Variants in PEAK1 observed in about 807,000 individuals in gnomAD.
PEAK1 encodes the protein inactive tyrosine-protein kinase PEAK1.
PEAK1 carries 54 observed loss-of-function variants against 124.7 expected under a neutral mutation model. The observed-to-expected ratio is 0.43, with a 90% CI of 0.35 to 0.54. The LOEUF (loss-of-function observed/expected upper bound fraction) is 0.54, where lower values mean the gene tolerates loss of function less well. PEAK1 is among the 20% of genes least tolerant of loss of function. The pLI is 0.01. For missense variants in PEAK1, 2,046 were observed against 2,134.5 expected, an observed-to-expected ratio of 0.96 and a Z score of 0.82; for synonymous variants, 719 against 760.0, an observed-to-expected ratio of 0.95 and a Z score of 0.89.
intron 1 of PEAK1, among the ~76,000 whole-genome samples, chr15:77,407,890 TATATATATATACAC>T (rs1007732284): frequency 5.6e-5 from 8 of 142,278 alleles, no homozygotes; most frequent in Admixed American, 2.2e-4. Context: ...ATGATATATA[TATATATATATACAC>T]ATATATATAC....
At position 77,114,777 on chromosome 15, in the gene PEAK1, C is replaced by A; in HGVS notation, c.4620G>T (p.Glu1540Asp). The A allele has an allele frequency of 1.2e-6, 2 of 1,612,994 alleles. No homozygotes were observed. Among genetic ancestry groups the A allele is most frequent in the South Asian group, 2.2e-5 (2 of 91,056 alleles). The change falls in exon 10 of 10, where the codon GAG becomes GAT. Residue 1540 changes from glutamate to aspartate, a missense_variant. Coordinates refer to ENST00000682557, the MANE Select transcript of PEAK1 (RefSeq NM_001385026.1). The part of the protein sequence containing the change: ...GGTAQGFGPA[E>D]PSPTSSYPTR... ...TGGGATAAGATGAGGTGGGGCTGGGCTCTGCAGGCCCAAAGCCTTGGGCAG... is the reference window on the plus strand; with the variant it reads ...TGGGATAAGATGAGGTGGGGCTGGGATCTGCAGGCCCAAAGCCTTGGGCAG...
rs371123857 is a variant in PEAK1 at position 77,179,311 on chromosome 15, C to T, written c.2616G>A (p.Pro872=). 3.7e-4 allele frequency: 603 copies of T among 1,613,704 alleles called. 10 individuals are homozygous for T. The South Asian group carries it at 4.3e-3, about 12-fold the overall frequency. ...GGTAAGGAGAAGAAGTAGAGCGTGG[C>T]GGGGGAAAGGGAGCTGGTGGCTCAC... ...PQSEPPAPFP[P]PRSTSSPYHA... The change falls in exon 7 of 10, where the codon CCG becomes CCA. Residue 872 remains proline, a synonymous_variant. Coordinates refer to ENST00000682557, the MANE Select transcript of PEAK1 (RefSeq NM_001385026.1).
At chr15:77,252,626 A>C (rs1471879133) in intron 5 of PEAK1, 100 bp from the exon 6 acceptor site, 1 of 663,270 alleles carries the variant, frequency 1.5e-6, no homozygotes, top group Non-Finnish European at 1.9e-6. Flanking sequence ...CTCACTCAAC[A>C]GTTATAATTC....
At chr15:77,335,946 G>A in intron 2 of PEAK1, 2 of 985,330 alleles carry the variant, frequency 2.0e-6, no homozygotes, top group Non-Finnish European at 2.4e-6. Flanking sequence ...CTCTTTCTGG[G>A]AAATCTTTTA....
chr15:77,361,150 A>T (rs2067860719), intron 2 of PEAK1, among the ~76,000 whole-genome samples: 1 of 152,218 alleles, frequency 6.6e-6, no homozygotes, highest in African/African-American at 2.4e-5. Flanking sequence ...AGAATATACA[A>T]GGACAAACAT....
chr15:77,195,466 C>A (rs1318087095), intron 6 of PEAK1, among the ~76,000 whole-genome samples: 1 of 152,018 alleles, frequency 6.6e-6, no homozygotes, highest in African/African-American at 2.4e-5. Context: ...GGTAGGAGGA[C>A]AATCAAGACA....
intron 2 of PEAK1, among the ~76,000 whole-genome samples, chr15:77,342,776 G>A (rs1179560547): frequency 6.6e-6 from 1 of 152,102 alleles, no homozygotes; most frequent in Non-Finnish European, 1.5e-5. Context: ...CCATGTTGTA[G>A]CATGTAACAG....
chr15:77,343,441 T>C (rs917596752), intron 2 of PEAK1, among the ~76,000 whole-genome samples: 1 of 152,020 alleles, frequency 6.6e-6, no homozygotes, highest in Non-Finnish European at 1.5e-5. Context: ...ATAGTGTCCT[T>C]TGATGCACAA....
At chr15:77,294,666 G>A (rs1393222223) in intron 2 of PEAK1, among the ~76,000 whole-genome samples, 2 of 152,136 alleles carry the variant, frequency 1.3e-5, no homozygotes, top group Non-Finnish European at 2.9e-5. Context: ...AAGGAAATTT[G>A]CAGTCTTATG....
At chr15:77,383,088 A>G (rs891604107) in intron 1 of PEAK1, among the ~76,000 whole-genome samples, 1 of 142,060 alleles carries the variant, frequency 7.0e-6, no homozygotes, top group Non-Finnish European at 1.5e-5. Context: ...AAGTGGTATG[A>G]GCTCAACTCA....
chr15:77,121,735 C>T (rs2051935017), intron 9 of PEAK1, among the ~76,000 whole-genome samples: 1 of 152,186 alleles, frequency 6.6e-6, no homozygotes, highest in African/African-American at 2.4e-5. Flanking sequence ...TGCCTTCAGC[C>T]TACTTCCAGT....
intron 6 of PEAK1, among the ~76,000 whole-genome samples, chr15:77,218,773 G>C (rs1042599161): frequency 6.6e-6 from 1 of 151,774 alleles, no homozygotes; most frequent in African/African-American, 2.4e-5. Flanking sequence ...TTTTTTCCCA[G>C]TTTCTCTTTT....
rs562988446 is a variant in PEAK1, at chr15:77,262,179, T to C, written c.-274-9653A>G. On this transcript the variant is annotated intron_variant, in intron 5 of 9. Transcript: ENST00000682557. ...CATGTCAAACTGTAAAGACCATCGA[T>C]GCTAGGAAGAAATTGCATCAACTAA... 7.3e-3 allele frequency among the ~76,000 whole-genome samples: 1,105 copies of C among 152,238 alleles called. 15 individuals carry two copies. Among genetic ancestry groups the C allele is most frequent in the African/African-American group, 0.025 (1,049 of 41,508 alleles).
rs764316661 is a variant in PEAK1, at chr15:77,112,560, TAC to T, written c.*1594_*1595del. ...GCACGCACACATGGGCACACAAGTG[TAC>T]ACACACATTGTTCGAGTGACTCTTG... On this transcript the variant is annotated 3_prime_UTR_variant, in exon 10 of 10. Transcript: ENST00000682557. 1 of 152,154 alleles carries T rather than the reference TAC, an allele frequency of 6.6e-6. No homozygotes were observed. The highest frequency in any genetic ancestry group is 1.9e-4 in the East Asian group (1 of 5,188). 9.4% of individuals were successfully genotyped at this position (152,154 alleles called of 1,614,324 possible).
chr15:77,316,162 T>G (rs1347177025), intron 2 of PEAK1, among the ~76,000 whole-genome samples: 1 of 152,184 alleles, frequency 6.6e-6, no homozygotes, highest in East Asian at 1.9e-4. Context: ...GTGAGATATA[T>G]TTTATCAGTT....
chr15:77,101,616 G>A (rs2050694628), exon 7 of PEAK1: 1 of 152,332 alleles, frequency 6.6e-6, no homozygotes, highest in Admixed American at 6.5e-5. Flanking sequence ...CAGTTTGTCA[G>A]AGGTGGAACC....
chr15:77,205,399 G>C (rs1200897623), intron 6 of PEAK1, among the ~76,000 whole-genome samples: 2 of 152,068 alleles, frequency 1.3e-5, no homozygotes, highest in Non-Finnish European at 2.9e-5. Context: ...CATAGATGAA[G>C]GGTTAGTTTT....
At chr15:77,352,672 G>A (rs1250307669) in intron 2 of PEAK1, 1 of 947,396 alleles carries the variant, frequency 1.1e-6, no homozygotes, top group Non-Finnish European at 1.3e-6. Context: ...TTATGATATA[G>A]AGTATTAACC....
intron 8 of PEAK1, among the ~76,000 whole-genome samples, chr15:77,144,745 G>A (rs1434907217): frequency 1.3e-5 from 2 of 152,210 alleles, no homozygotes; most frequent in African/African-American, 2.4e-5. Flanking sequence ...GCCCATGCAA[G>A]TAGGTCAAGC....
Sources: allele counts gnomAD v4.1 joint callset (sites outside exome capture counted in the v4.1 genomes callset), GRCh38; gene constraint gnomAD v4.1.1; transcripts MANE v1.5; gene names NCBI Gene and HGNC (gene_info 2026-07-23, HGNC 2026-07-21).